VHL: variants seen among roughly 807,000 people sequenced by gnomAD.
VHL encodes von Hippel-Lindau disease tumor suppressor.
In VHL, 10 loss-of-function variants were observed where a neutral mutation model predicts 19.2. That is an observed-to-expected ratio of 0.52 (90% confidence interval 0.32 to 0.89). VHL has a LOEUF of 0.89. VHL is among the 40% of genes least tolerant of loss of function. The pLI, the probability that VHL is intolerant of heterozygous loss-of-function variation, is 0.03. For synonymous variants in VHL, 167 were observed against 129.5 expected, an observed-to-expected ratio of 1.29 and a Z score of -1.97; for missense variants, 328 against 292.7, an observed-to-expected ratio of 1.12 and a Z score of -0.88.
In VHL at chr3:10,153,407, C is replaced by G. The variant is rs967609812; in HGVS notation, c.*3442C>G. ...TCACACCATTGCACTCCAGCCTGGG[C>G]AACAAGAGTGAAATTCCATCTCAAA... is the stretch of plus-strand genomic sequence containing the variant. On this transcript the variant is annotated 3_prime_UTR_variant, in exon 3 of 3. Coordinates refer to ENST00000256474, the MANE Select transcript of VHL (RefSeq NM_000551.4). 3.3e-5 allele frequency among the ~76,000 whole-genome samples: 5 copies of G among 150,978 alleles called. No homozygotes were observed. The highest frequency in any genetic ancestry group is 5.9e-5 in the Non-Finnish European group (4 of 67,886).
rs1175570992 is a variant in VHL, at chr3:10,153,463, C to T, written c.*3498C>T. Among the ~76,000 whole-genome samples the T allele has an allele frequency of 6.6e-6, 1 of 151,730 alleles. No homozygotes were observed. The highest frequency in any genetic ancestry group is 1.5e-5 in the Non-Finnish European group (1 of 67,968). ...ACCAAAAAAACAAAAAAAAAACATG[C>T]CGTTTGAGTACTGTGTTTTTGGTGT... On this transcript the variant is annotated 3_prime_UTR_variant, in exon 3 of 3. Transcript: ENST00000256474.
In VHL at chr3:10,147,920, C is replaced by T. The variant is rs111714135; in HGVS notation, c.463+1284C>T. The stretch of plus-strand genomic sequence containing the variant: ...CAGCCTGGACAACAAAGTGAGACCC[C>T]AGCTCCACAAAAAAATTTTTTTTTA... On this transcript the variant is annotated intron_variant, in intron 2 of 2. Transcript: ENST00000256474. Among the ~76,000 whole-genome samples, 370 of 151,864 alleles carry T rather than the reference C, an allele frequency of 2.4e-3. 2 individuals carry two copies. Among genetic ancestry groups the T allele is most frequent in the Non-Finnish European group, 3.7e-3 (254 of 67,908 alleles).
In VHL at chr3:10,142,021, G is replaced by A. The variant is rs2125124907; in HGVS notation, c.174G>A (p.Arg58=). 6.3e-7 allele frequency: 1 copy of A among 1,592,978 alleles called. No individual in the cohort carries two copies. Among genetic ancestry groups the A allele is most frequent in the Middle Eastern group, 1.7e-4 (1 of 5,966 alleles). The change falls in exon 1 of 3, where the codon CGG becomes CGA. Residue 58 remains arginine (R), a synonymous_variant. Transcript: ENST00000256474. ...CCGAGGAGGAGATGGAGGCCGGGCGGCCGCGGCCCGTGCTGCGCTCGGTGA... is the reference window on the plus strand; with the variant it reads ...CCGAGGAGGAGATGGAGGCCGGGCGACCGCGGCCCGTGCTGCGCTCGGTGA... ...LGAEEEMEAG[R]PRPVLRSVNS... is the part of the protein sequence containing the mutation.
At chr3:10,144,490 T>G in intron 1 of VHL, among the ~76,000 whole-genome samples, 1 of 107,140 alleles carries the variant, frequency 9.3e-6, no homozygotes, top group African/African-American at 4.0e-5. Flanking sequence ...TGTCTCTCTA[T>G]CTTGTCTTTT....
Position 10,151,921 on chromosome 3 carries a change from C to T in VHL, c.*1956C>T, listed in dbSNP as rs1018775947. ...TATACAAAAAATTTTTAAAAATTAG[C>T]ATGGCGGCACACATCTGTAATCCTA... On this transcript the variant is annotated 3_prime_UTR_variant, in exon 3 of 3. Transcript: ENST00000256474. 1.1e-5 allele frequency: 2 copies of T among 178,898 alleles called. No homozygotes were observed. Among genetic ancestry groups the T allele is most frequent in the African/African-American group, 5.3e-5 (2 of 37,620 alleles). 11.1% of individuals were successfully genotyped at this position (178,898 alleles called of 1,614,324 possible). A position where few individuals can be genotyped will look rare whatever the true frequency, so the allele number is the denominator to read the frequency against.
Position 10,141,857 on chromosome 3 carries a change from A to T in VHL, c.10A>T (p.Arg4Trp), listed in dbSNP as rs886057702. Reference protein sequence around the residue: MPRRAENWDEAEVG... With the variant: MPRWAENWDEAEVG... ...CTGGATCGCGGAGGGAATGCCCCGGAGGGCGGAGAACTGGGACGAGGCCGA... is the reference window on the plus strand; with the variant it reads ...CTGGATCGCGGAGGGAATGCCCCGGTGGGCGGAGAACTGGGACGAGGCCGA... The change falls in exon 1 of 3, where the codon AGG becomes TGG. Residue 4 changes from arginine to tryptophan, a missense_variant. Arg to Trp is a moderately radical substitution (Grantham distance 101, BLOSUM62 -3). Transcript: ENST00000256474. 1.3e-6 allele frequency: 2 copies of T among 1,535,460 alleles called. No homozygotes were observed. The highest frequency in any genetic ancestry group is 8.8e-7 in the Non-Finnish European group (1 of 1,139,702).
chr3:10,150,048 T>C lies in VHL; in HGVS notation c.*83T>C. The C allele has an allele frequency of 6.4e-7, 1 of 1,555,800 alleles. No homozygotes were observed. Among genetic ancestry groups the C allele is most frequent in the Non-Finnish European group, 8.7e-7 (1 of 1,149,808 alleles). On this transcript the variant is annotated 3_prime_UTR_variant, in exon 3 of 3. Transcript: ENST00000256474. ...TTGATCTAGATACAGGACTGGTTCC[T>C]TCCTTAGTTTCAAAGTGTCTCATTC...
rs570603017 is a variant in VHL, at chr3:10,144,528, C to T, written c.341-1986C>T. Reference sequence around the variant, plus strand: ...TTTTTTTTTTTTGAGACAGGATGTCCTGCTGTTGCCTGGGCTGGAGTGTGG... The same window carrying T: ...TTTTTTTTTTTTGAGACAGGATGTCTTGCTGTTGCCTGGGCTGGAGTGTGG... On this transcript the variant is annotated intron_variant, in intron 1 of 2. Coordinates refer to ENST00000256474, the MANE Select transcript of VHL (RefSeq NM_000551.4). 5.2e-5 allele frequency among the ~76,000 whole-genome samples: 7 copies of T among 134,670 alleles called. No individual in the cohort carries two copies. In the East Asian group the frequency reaches 1.4e-3, roughly 27 times the overall value. 88.3% of individuals were successfully genotyped at this position (134,670 alleles called of 152,430 possible).
chr3:10,151,416 T>A lies in VHL; in HGVS notation c.*1451T>A, dbSNP rs1575934633. On this transcript the variant is annotated 3_prime_UTR_variant, in exon 3 of 3. Transcript: ENST00000256474. ...TTCTACTCCTTCCCTAATAGCTTTT[T>A]AAAAAAATCTCCCCAGTAGAGAAAC... 1 of 221,904 alleles carries A rather than the reference T, an allele frequency of 4.5e-6. No homozygotes were observed. The highest frequency in any genetic ancestry group is 9.0e-6 in the Non-Finnish European group (1 of 111,010). The allele number at this position is 221,904 out of a possible 1,614,324, so 13.7% of individuals were successfully genotyped here.
At position 10,146,504 on chromosome 3, in the gene VHL, G is replaced by C. The variant is rs140064807; in HGVS notation, c.341-10G>C. The stretch of plus-strand genomic sequence containing the variant: ...TGTGGCTCTTTAACAACCTTTGCTT[G>C]TCCCGATAGGTCACCTTTGGCTCTT... On this transcript the variant is annotated splice_polypyrimidine_tract_variant and intron_variant, in intron 1 of 2. Coordinates refer to ENST00000256474, the MANE Select transcript of VHL (RefSeq NM_000551.4). 18 of 1,613,364 alleles carry C rather than the reference G, an allele frequency of 1.1e-5. No individual in the cohort carries two copies. The Middle Eastern group carries it at 5.0e-4, about 44-fold the overall frequency.
rs905204276 is a variant in VHL, at chr3:10,151,535, C to T, written c.*1570C>T. 4 of 226,372 alleles carry T rather than the reference C, an allele frequency of 1.8e-5. No homozygotes were observed. The highest frequency in any genetic ancestry group is 1.1e-4 in the Admixed American group (2 of 17,544). The allele number at this position is 226,372 out of a possible 1,614,324, so 14.0% of individuals were successfully genotyped here. A position where few individuals can be genotyped will look rare whatever the true frequency, so the allele number is the denominator to read the frequency against. On this transcript the variant is annotated 3_prime_UTR_variant, in exon 3 of 3. Transcript: ENST00000256474. ...TCACATTAACATTTTGAGCTATTTC[C>T]TTCCAGCCTTTTTAGGGCAGATTTT... is the stretch of plus-strand genomic sequence containing the variant.
intron 1 of VHL, among the ~76,000 whole-genome samples, chr3:10,143,274 G>C (rs1013802722): frequency 2.0e-5 from 3 of 152,128 alleles, no homozygotes; most frequent in Admixed American, 6.6e-5. Flanking sequence ...GGGATTACAG[G>C]CGTGCGCCAC....
chr3:10,147,918 C>A (rs1214953954), intron 2 of VHL, among the ~76,000 whole-genome samples: 1 of 151,758 alleles, frequency 6.6e-6, no homozygotes, highest in Non-Finnish European at 1.5e-5. Flanking sequence ...AAAGTGAGAC[C>A]CCAGCTCCAC....
At position 10,142,089 on chromosome 3, in the gene VHL, C is replaced by T. The variant is rs193922608; in HGVS notation, c.242C>T (p.Pro81Leu). ...PSQVIFCNRS[P>L]RVVLPVWLNF... ...CAGGTCATCTTCTGCAATCGCAGTC[C>T]GCGCGTCGTGCTGCCCGTATGGCTC... Residue 81 changes from proline to leucine, a missense_variant, in exon 1 of 3, where the codon CCG (proline) becomes CTG (leucine). Transcript: ENST00000256474. The T allele has an allele frequency of 1.9e-6, 3 of 1,604,998 alleles. No individual in the cohort carries two copies. Among genetic ancestry groups the T allele is most frequent in the South Asian group, 1.1e-5 (1 of 91,030 alleles).
At chr3:10,147,776 A>T (rs1365352671) in intron 2 of VHL, among the ~76,000 whole-genome samples, 1 of 151,612 alleles carries the variant, frequency 6.6e-6, no homozygotes, top group Non-Finnish European at 1.5e-5. Context: ...TCCTGTGGGT[A>T]AAAAAAACCT....
intron 2 of VHL, among the ~76,000 whole-genome samples, chr3:10,147,901 G>A (rs1227083666): frequency 2.0e-5 from 3 of 151,892 alleles, no homozygotes; most frequent in Non-Finnish European, 2.9e-5. Flanking sequence ...TGACCAGCCT[G>A]GACAACAAAG....
intron 1 of VHL, among the ~76,000 whole-genome samples, chr3:10,144,906 A>T (rs905778749): frequency 1.3e-5 from 2 of 152,236 alleles, no homozygotes; most frequent in Non-Finnish European, 2.9e-5. Flanking sequence ...TTTTGAAGGT[A>T]CTTAATGCAC....
At chr3:10,147,912 T>G (rs1336119134) in intron 2 of VHL, among the ~76,000 whole-genome samples, 1 of 151,820 alleles carries the variant, frequency 6.6e-6, no homozygotes, top group Non-Finnish European at 1.5e-5. Context: ...GACAACAAAG[T>G]GAGACCCCAG....
At chr3:10,145,476 C>T (rs927025944) in intron 1 of VHL, among the ~76,000 whole-genome samples, 30 of 152,042 alleles carry the variant, frequency 2.0e-4, no homozygotes, top group African/African-American at 6.0e-4. Context: ...GAGGCCGAGG[C>T]GGGCGGATCA....
Sources: allele counts gnomAD v4.1 joint callset (sites outside exome capture counted in the v4.1 genomes callset), GRCh38; gene constraint gnomAD v4.1.1; transcripts MANE v1.5; gene names NCBI Gene and HGNC (gene_info 2026-07-23, HGNC 2026-07-21).